Variants in ASXL2 observed in about 807,000 individuals in gnomAD.
ASXL2 encodes ASXL transcriptional regulator 2.
ASXL2 carries 23 observed loss-of-function variants against 122.0 expected under a neutral mutation model. The ratio of observed to expected loss-of-function variants is 0.19; its 90% CI spans 0.14 to 0.27. The LOEUF is 0.27. ASXL2 is among the 10% of genes least tolerant of loss of function. The pLI, the probability that ASXL2 is intolerant of heterozygous loss-of-function variation, is 1.00. For synonymous variants in ASXL2, 650 were observed against 637.0 expected (o/e 1.02, Z -0.31); for missense variants, 1,518 against 1,713.8 (o/e 0.89, Z 2.02).
chr2:25,877,874 G>C (rs926783112), intron 1 of ASXL2, among the ~76,000 whole-genome samples: 6 of 152,240 alleles, frequency 3.9e-5, no homozygotes, highest in African/African-American at 9.6e-5. Context: ...GCCGGGGCGA[G>C]GGCTACCACA....
Position 25,750,003 on chromosome 2 carries a change from T to C in ASXL2, c.1553A>G (p.Gln518Arg). The C allele has an allele frequency of 6.2e-7, 1 of 1,614,038 alleles. No homozygotes were observed. ...TASNYNKSESQESLVTSPSKP... is the reference protein window; with the variant it reads ...TASNYNKSESRESLVTSPSKP... ...GCTTGGCGATGTAACTAAAGATTCT[T>C]GGCTTTCACTTTTGTTATAATTAGA... Residue 518 changes from glutamine to arginine, a missense_variant, in exon 12 of 13, where the codon CAA becomes CGA. This residue lies in a region of ASXL2 where 292 missense variants were observed against 293.5 expected (regional missense o/e 1.00). Coordinates refer to ENST00000435504, the MANE Select transcript of ASXL2 (RefSeq NM_018263.6).
chr2:25,741,636 T>C lies in ASXL2; in HGVS notation c.*393A>G, dbSNP rs188996748. The C allele has an allele frequency of 6.4e-4, 161 of 252,262 alleles. 1 individual carries two copies. The highest frequency in any genetic ancestry group is 3.2e-3 in the African/African-American group (149 of 45,852). 15.6% of individuals were successfully genotyped at this position (252,262 alleles called of 1,614,324 possible). ...TTCCTTTTCCTAGCTTCCTAGGAAATGTCAGAAGGGAGACAGCTTCCTTTT... is the reference window on the plus strand; with the variant it reads ...TTCCTTTTCCTAGCTTCCTAGGAAACGTCAGAAGGGAGACAGCTTCCTTTT... On this transcript the variant is annotated 3_prime_UTR_variant, in exon 13 of 13. Transcript: ENST00000435504.
chr2:25,853,000 T>C (rs1455738471), intron 1 of ASXL2, among the ~76,000 whole-genome samples: 3 of 152,130 alleles, frequency 2.0e-5, no homozygotes, highest in Admixed American at 1.3e-4. Flanking sequence ...AAACAGAACA[T>C]GTGGAATTGA....
At position 25,878,210 on chromosome 2, in the gene ASXL2, C is replaced by T. The variant is rs371056638; in HGVS notation, c.13G>A (p.Gly5Arg). ...CAGGTCCTGCCCTTCTTCCTACGTC[C>T]CTTTTCCCTCATGTCGGGTCTTGAA... MREK[G>R]RRKKGRTWAE... Residue 5 changes from glycine (G) to arginine (R), a missense_variant, in exon 1 of 13, where the codon GGA becomes AGA. Physicochemically the swap from Gly to Arg is moderately radical, Grantham distance 125. Around this residue, in one of 8 missense-constraint regions of ASXL2, gnomAD observed 28 missense variants for 42.2 expected, o/e 0.66. Coordinates refer to ENST00000435504, the MANE Select transcript of ASXL2 (RefSeq NM_018263.6). The T allele has an allele frequency of 3.5e-4, 572 of 1,613,812 alleles. No homozygotes were observed. Among genetic ancestry groups the T allele is most frequent in the Non-Finnish European group, 4.7e-4 (556 of 1,179,868 alleles).
In ASXL2 at chr2:25,870,861, G is replaced by A. The variant is rs928664469; in HGVS notation, c.57+7305C>T. ...TTAACTATCAACCAGAGTTAATTTC[G>A]GTATGGTAAGTAAATATTTTCAATA... On this transcript the variant is annotated intron_variant, in intron 1 of 12. Transcript: ENST00000435504. 2.6e-5 allele frequency among the ~76,000 whole-genome samples: 4 copies of A among 151,924 alleles called. No homozygotes were observed. The East Asian group carries it at 5.8e-4, about 22-fold the overall frequency.
intron 2 of ASXL2, among the ~76,000 whole-genome samples, chr2:25,840,194 AT>A (rs773174888): frequency 1.3e-4 from 20 of 152,204 alleles, no homozygotes; most frequent in Non-Finnish European, 2.6e-4. Context: ...AAATATTGTA[AT>A]GCTTTTATAA....
chr2:25,832,311 C>T lies in ASXL2; in HGVS notation c.143+3227G>A, dbSNP rs577220495. 4.6e-5 allele frequency among the ~76,000 whole-genome samples: 7 copies of T among 152,144 alleles called. No homozygotes were observed. In the South Asian group the frequency reaches 8.3e-4, roughly 18 times the overall value. Reference sequence around the variant, plus strand: ...ATTATCAGCAGACTGTGATAAATCACGTGTATATATTGTAATACCCAGTTG... The same window carrying T: ...ATTATCAGCAGACTGTGATAAATCATGTGTATATATTGTAATACCCAGTTG... On this transcript the variant is annotated intron_variant, in intron 3 of 12. Coordinates refer to ENST00000435504, the MANE Select transcript of ASXL2 (RefSeq NM_018263.6).
chr2:25,847,171 A>C (rs2089659314), intron 1 of ASXL2, among the ~76,000 whole-genome samples: 1 of 152,224 alleles, frequency 6.6e-6, no homozygotes, highest in Non-Finnish European at 1.5e-5. Flanking sequence ...TTGCACCACT[A>C]TAGCATGCTG....
At chr2:25,861,586 A>C (rs2089843450) in intron 1 of ASXL2, among the ~76,000 whole-genome samples, 1 of 152,242 alleles carries the variant, frequency 6.6e-6, no homozygotes, top group Admixed American at 6.5e-5. Context: ...ACAGAAACAG[A>C]AGGAATACAA....
At chr2:25,838,836 T>TATACC (rs2089544849) in intron 2 of ASXL2, among the ~76,000 whole-genome samples, 1 of 152,214 alleles carries the variant, frequency 6.6e-6, no homozygotes, top group Admixed American at 6.5e-5. Context: ...GTAACTGAAG[T>TATACC]ATACCGTCAA....
Position 25,743,284 on chromosome 2 carries a change from T to G in ASXL2, c.3053A>C (p.Gln1018Pro). 1 of 1,613,900 alleles carries G rather than the reference T, an allele frequency of 6.2e-7. No homozygotes were observed. The highest frequency in any genetic ancestry group is 1.1e-5 in the South Asian group (1 of 91,082). ...NERQSHPATQ[Q>P]QLGKTLQSKQ... ...ACTTTGCAAGGTTTTGCCCAGCTGCTGCTGCGTAGCTGGATGGGACTGTCT... is the reference window on the plus strand; with the variant it reads ...ACTTTGCAAGGTTTTGCCCAGCTGCGGCTGCGTAGCTGGATGGGACTGTCT... Residue 1018 changes from glutamine to proline, a missense_variant, in exon 13 of 13, where the codon CAG becomes CCG. This residue lies in a region of ASXL2 where 831 missense variants were observed against 833.1 expected (regional missense o/e 1.00). Transcript: ENST00000435504.
At chr2:25,810,648 C>G (rs1218153386) in intron 3 of ASXL2, 1 of 784,432 alleles carries the variant, frequency 1.3e-6, no homozygotes, top group Admixed American at 1.8e-5. Context: ...TAGTGGTGAT[C>G]CCAGCCATGG....
chr2:25,868,477 C>T (rs1211905690), intron 1 of ASXL2, among the ~76,000 whole-genome samples: 1 of 152,248 alleles, frequency 6.6e-6, no homozygotes, highest in African/African-American at 2.4e-5. Flanking sequence ...TTTTACAATG[C>T]TCTCTGATGC....
chr2:25,799,812 G>C (rs2088967918), intron 4 of ASXL2, among the ~76,000 whole-genome samples: 1 of 151,972 alleles, frequency 6.6e-6, no homozygotes, highest in African/African-American at 2.4e-5. Flanking sequence ...TATGAGTCCA[G>C]GTAAATGATT....
At chr2:25,877,953 C>G (rs2090023572) in intron 1 of ASXL2, among the ~76,000 whole-genome samples, 1 of 152,232 alleles carries the variant, frequency 6.6e-6, no homozygotes, top group African/African-American at 2.4e-5. Flanking sequence ...GCCGCAGACG[C>G]CGAGGGACGC....
chr2:25,741,237 TAAC>T lies in ASXL2; in HGVS notation c.*789_*791del, dbSNP rs1216747183. ...TGGAATTGTTGCACTGCACAGCCTG[TAAC>T]AACACAGGGGGTCCCAGAGAGGCAC... On this transcript the variant is annotated 3_prime_UTR_variant, in exon 13 of 13. Transcript: ENST00000435504. The T allele has an allele frequency of 2.7e-5, 6 of 225,738 alleles. No individual in the cohort carries two copies. Among genetic ancestry groups the T allele is most frequent in the Admixed American group, 1.1e-4 (2 of 17,510 alleles). The allele number at this position is 225,738 out of a possible 1,614,324, so 14.0% of individuals were successfully genotyped here.
intron 3 of ASXL2, among the ~76,000 whole-genome samples, chr2:25,825,289 T>C (rs945241028): frequency 6.6e-6 from 1 of 152,204 alleles, no homozygotes; most frequent in Admixed American, 6.5e-5. Flanking sequence ...TTCAAATAAA[T>C]GCAAAATCCT....
intron 8 of ASXL2, 75 bp downstream of exon 8, chr2:25,767,508 G>C (rs2088372049): frequency 6.7e-7 from 1 of 1,501,234 alleles, no homozygotes; most frequent in South Asian, 1.3e-5. Flanking sequence ...ACCTAAGCCA[G>C]GTAGCTGATG....
chr2:25,769,936 A>G (rs2088417734), intron 6 of ASXL2, among the ~76,000 whole-genome samples: 2 of 152,236 alleles, frequency 1.3e-5, no homozygotes, highest in Admixed American at 6.5e-5. Context: ...AGAGAGCTCT[A>G]TGTCTCGCTT....
Sources: allele counts gnomAD v4.1 joint callset (sites outside exome capture counted in the v4.1 genomes callset), GRCh38; gene constraint gnomAD v4.1.1; regional missense constraint gnomAD v4.1.1; transcripts MANE v1.5; gene names NCBI Gene and HGNC (gene_info 2026-07-23, HGNC 2026-07-21).